MGAT4C: variants seen among roughly 807,000 people sequenced by gnomAD.
MGAT4C encodes alpha-1,3-mannosyl-glycoprotein 4-beta-N-acetylglucosaminyltransferase C.
MGAT4C carries 19 observed loss-of-function variants against 40.1 expected under a neutral mutation model. The ratio of observed to expected loss-of-function variants is 0.47; its 90% CI spans 0.33 to 0.70. The LOEUF is 0.70. MGAT4C is among the 30% of genes least tolerant of loss of function. MGAT4C has a pLI of 0.02. For missense variants in MGAT4C, 491 were observed against 563.2 expected (o/e 0.87, Z 1.30); for synonymous variants, 181 against 187.1 (o/e 0.97, Z 0.27).
At chr12:86,445,591 G>A (rs1245029949) in intron 2 of MGAT4C, among the ~76,000 whole-genome samples, 1 of 152,078 alleles carries the variant, frequency 6.6e-6, no homozygotes, top group Non-Finnish European at 1.5e-5. Flanking sequence ...ATACACATTC[G>A]ATTGCTCGAC....
chr12:86,199,977 T>C (rs900319620), intron 1 of MGAT4C, among the ~76,000 whole-genome samples: 2 of 152,060 alleles, frequency 1.3e-5, no homozygotes, highest in African/African-American at 4.8e-5. Context: ...AATCAGAATA[T>C]AGAACATTTC....
intron 2 of MGAT4C, among the ~76,000 whole-genome samples, chr12:86,439,475 G>C (rs908907184): frequency 6.6e-6 from 1 of 151,874 alleles, no homozygotes; most frequent in East Asian, 1.9e-4. Flanking sequence ...TACTGCAAAC[G>C]CAATGCTAAG....
intron 4 of MGAT4C, among the ~76,000 whole-genome samples, chr12:86,287,366 T>C (rs2136124296): frequency 9.2e-6 from 1 of 108,578 alleles, no homozygotes; most frequent in African/African-American, 3.6e-5. Flanking sequence ...TTTTTTTCTT[T>C]TTAATTATAC....
chr12:86,118,300 G>A (rs369056758), intron 1 of MGAT4C, among the ~76,000 whole-genome samples: 18 of 152,196 alleles, frequency 1.2e-4, no homozygotes, highest in East Asian at 7.7e-4. Flanking sequence ...TTCAGGGTCC[G>A]GCAAGGAACA....
intron 2 of MGAT4C, among the ~76,000 whole-genome samples, chr12:86,573,948 A>C (rs2136425182): frequency 6.6e-6 from 1 of 152,034 alleles, no homozygotes; most frequent in South Asian, 2.1e-4. Context: ...AACTTGTCTT[A>C]GATAAAACTC....
At chr12:86,352,181 T>C (rs569393134) in intron 3 of MGAT4C, among the ~76,000 whole-genome samples, 1 of 152,202 alleles carries the variant, frequency 6.6e-6, no homozygotes, top group South Asian at 2.1e-4. Flanking sequence ...ACAAAAACAA[T>C]GAAAAGAGTT....
At chr12:86,273,224 T>C (rs1177572737) in intron 4 of MGAT4C, among the ~76,000 whole-genome samples, 1 of 152,186 alleles carries the variant, frequency 6.6e-6, no homozygotes, top group Non-Finnish European at 1.5e-5. Flanking sequence ...TCTGACTTCA[T>C]TATTTACCAG....
intron 4 of MGAT4C, among the ~76,000 whole-genome samples, chr12:86,265,780 C>T (rs1021446470): frequency 3.3e-5 from 5 of 152,116 alleles, no homozygotes; most frequent in African/African-American, 9.7e-5. Context: ...GTTTCCAGTC[C>T]ATGAGCTTGG....
chr12:86,702,375 T>A (rs1376278352), intron 2 of MGAT4C, among the ~76,000 whole-genome samples: 1 of 152,120 alleles, frequency 6.6e-6, no homozygotes, highest in Non-Finnish European at 1.5e-5. Context: ...AATAGCCTTA[T>A]CTTAAAAGAA....
At chr12:86,169,445 T>A (rs1886556045) in intron 1 of MGAT4C, among the ~76,000 whole-genome samples, 1 of 152,184 alleles carries the variant, frequency 6.6e-6, no homozygotes, top group Non-Finnish European at 1.5e-5. Flanking sequence ...ACTCTTCAAA[T>A]CTATTTTAAT....
intron 2 of MGAT4C, among the ~76,000 whole-genome samples, chr12:86,542,874 G>A (rs1240654520): frequency 3.9e-5 from 6 of 152,040 alleles, no homozygotes; most frequent in East Asian, 1.9e-4. Flanking sequence ...CCCAACTTGC[G>A]CTTTGCCTTT....
rs768516961 is a variant in MGAT4C at position 86,632,484 on chromosome 12, TAGCAAAGAC to T, written c.-229+94716_-229+94724del. 7.6e-3 allele frequency among the ~76,000 whole-genome samples: 1,160 copies of T among 152,148 alleles called. 4 individuals are homozygous for T. The highest frequency in any genetic ancestry group is 0.027 in the Middle Eastern group (8 of 294). On this transcript the variant is annotated intron_variant, in intron 2 of 7. Transcript: ENST00000548651. Reference sequence around the variant, plus strand: ...ATATTTGTTGTGGCACTATTCACAATAGCAAAGACTTGGAACCAGCCCAAATGTCCATCA... The same window carrying T: ...ATATTTGTTGTGGCACTATTCACAATTTGGAACCAGCCCAAATGTCCATCA...
intron 1 of MGAT4C, among the ~76,000 whole-genome samples, chr12:86,123,032 AT>A (rs1879673712): frequency 3.9e-5 from 6 of 152,164 alleles, no homozygotes; most frequent in Admixed American, 3.9e-4. Flanking sequence ...ATTAGTCATG[AT>A]TAAGTCATTC....
Position 86,773,942 on chromosome 12 carries a change from C to CTTTTTTTTTTTTTTTTTTT in MGAT4C, c.-261-46702_-261-46701insAAAAAAAAAAAAAAAAAAA, listed in dbSNP as rs1565980916. Among the ~76,000 whole-genome samples, 6 of 106,520 alleles carry CTTTTTTTTTTTTTTTTTTT rather than the reference C, an allele frequency of 5.6e-5. 2 individuals are homozygous for CTTTTTTTTTTTTTTTTTTT. The highest frequency in any genetic ancestry group is 3.8e-5 in the Non-Finnish European group (2 of 52,286). 69.9% of individuals were successfully genotyped at this position (106,520 alleles called of 152,430 possible). ...ACAGGTTCACATTTTTTTAAAGTAA[C>CTTTTTTTTTTTTTTTTTTT]TTCTTTTTTTTTTTTTTTTTTTTTT... On this transcript the variant is annotated intron_variant, in intron 1 of 7. Transcript: ENST00000548651.
intron 3 of MGAT4C, among the ~76,000 whole-genome samples, chr12:85,988,573 T>G (rs1168567301): frequency 6.6e-6 from 1 of 151,956 alleles, no homozygotes; most frequent in Non-Finnish European, 1.5e-5. Context: ...TCTATAAATA[T>G]TAATAATAAC....
rs752741659 is a variant in MGAT4C, at chr12:86,694,824, C to T, written c.-229+32385G>A. Among the ~76,000 whole-genome samples the T allele has an allele frequency of 2.3e-4, 35 of 152,090 alleles. 1 individual carries two copies. The highest frequency in any genetic ancestry group is 2.1e-4 in the South Asian group (1 of 4,830). ...AGACTTTGAAACTACAACGAGAAAACCTCTGGGCAGCTCTCTGGAACATTG... is the reference window on the plus strand; with the variant it reads ...AGACTTTGAAACTACAACGAGAAAATCTCTGGGCAGCTCTCTGGAACATTG... On this transcript the variant is annotated intron_variant, in intron 2 of 7. Transcript: ENST00000548651.
intron 2 of MGAT4C, among the ~76,000 whole-genome samples, chr12:86,481,020 A>T (rs1372878864): frequency 2.0e-5 from 3 of 151,948 alleles, no homozygotes; most frequent in Admixed American, 6.6e-5. Context: ...TCAACGTAAA[A>T]CAAAACATTC....
intron 2 of MGAT4C, among the ~76,000 whole-genome samples, chr12:86,710,592 T>C (rs1264451545): frequency 6.6e-6 from 1 of 152,134 alleles, no homozygotes; most frequent in South Asian, 2.1e-4. Context: ...GGTGGGAATG[T>C]GTAAACTAAT....
At chr12:86,338,739 C>T (rs1954840576) in intron 3 of MGAT4C, among the ~76,000 whole-genome samples, 1 of 151,958 alleles carries the variant, frequency 6.6e-6, no homozygotes, top group Admixed American at 6.6e-5. Context: ...GTAGCTGGAT[C>T]GCTTGAGGTT....
Sources: gnomAD v4.1 joint callset for allele counts (sites outside exome capture counted in the v4.1 genomes callset) on GRCh38, gnomAD v4.1.1 for gene constraint, MANE v1.5 for transcripts, NCBI Gene and HGNC (gene_info 2026-07-23, HGNC 2026-07-21) for gene names.